The following SDK1 variants were observed in gnomAD, a reference collection of about 807,000 sequenced individuals.
SDK1 encodes the protein protein sidekick-1.
In SDK1, 157 loss-of-function variants were observed where a neutral mutation model predicts 245.5. That is an observed-to-expected ratio of 0.64 (90% CI 0.56 to 0.73). SDK1 has a LOEUF of 0.73. Among genes scored for constraint, SDK1 ranks in the 30% least tolerant of loss-of-function variants. The pLI is 0.00. For missense variants in SDK1, 3,583 were observed against 3,002.3 expected, an observed-to-expected ratio of 1.19 and a Z score of -4.52; for synonymous variants, 1,647 against 1,278.5, an observed-to-expected ratio of 1.29 and a Z score of -6.15.
intron 1 of SDK1, among the ~76,000 whole-genome samples, chr7:3,604,168 G>C (rs1171539135): frequency 6.6e-6 from 1 of 152,142 alleles, no homozygotes; most frequent in East Asian, 1.9e-4. Flanking sequence ...TCTCTGCCAG[G>C]CTTTGGTATC....
chr7:4,194,394 A>G (rs538066490), intron 35 of SDK1, among the ~76,000 whole-genome samples: 1 of 100,556 alleles, frequency 9.9e-6, no homozygotes, highest in African/African-American at 4.0e-5. Flanking sequence ...ATACATGTAT[A>G]CATATATGTA....
rs993232541 is a variant in SDK1 at position 4,257,106 on chromosome 7, GT to G, written c.6382-8014del. Among the ~76,000 whole-genome samples the G allele has an allele frequency of 4.6e-4, 70 of 152,258 alleles. 1 individual carries two copies. Among genetic ancestry groups the G allele is most frequent in the African/African-American group, 1.4e-3 (58 of 41,552 alleles). On this transcript the variant is annotated intron_variant, in intron 44 of 44. Coordinates refer to ENST00000404826, the MANE Select transcript of SDK1 (RefSeq NM_152744.4). ...CCGTTCAAATCACATGTTAAAGATT[GT>G]TTTCGAAATCCAAAGAAACTGTTTT...
At chr7:3,650,813 C>T (rs767312564) in intron 4 of SDK1, among the ~76,000 whole-genome samples, 10 of 140,882 alleles carry the variant, frequency 7.1e-5, no homozygotes, top group African/African-American at 2.6e-4. Context: ...AGTATGTGAC[C>T]TGTGGGGATT....
chr7:3,920,657 A>C (rs1779553790), intron 5 of SDK1, among the ~76,000 whole-genome samples: 1 of 152,180 alleles, frequency 6.6e-6, no homozygotes. Context: ...TTAAACTGCA[A>C]GCTGGGGCTG....
At chr7:3,759,957 CT>C (rs1780045561) in intron 4 of SDK1, among the ~76,000 whole-genome samples, 2 of 152,098 alleles carry the variant, frequency 1.3e-5, no homozygotes, top group South Asian at 2.1e-4. Flanking sequence ...TATATATTTC[CT>C]TTTCCCATCA....
At chr7:3,618,482 A>G (rs1005717407) in intron 1 of SDK1, among the ~76,000 whole-genome samples, 4 of 152,090 alleles carry the variant, frequency 2.6e-5, no homozygotes, top group East Asian at 1.9e-4. Context: ...CTGTGTTGCT[A>G]TGTGTAGCAA....
At chr7:3,307,335 T>C (rs1779442090) in intron 1 of SDK1, among the ~76,000 whole-genome samples, 1 of 152,080 alleles carries the variant, frequency 6.6e-6, no homozygotes, top group Non-Finnish European at 1.5e-5. Flanking sequence ...TGCCATCCTA[T>C]GGTAGCAAGT....
intron 1 of SDK1, among the ~76,000 whole-genome samples, chr7:3,454,845 T>C (rs1780624507): frequency 6.6e-6 from 1 of 152,174 alleles, no homozygotes; most frequent in Admixed American, 6.5e-5. Flanking sequence ...CTAGGATCTG[T>C]GCCCAAGTGT....
chr7:3,589,866 A>G (rs998080656), intron 1 of SDK1, among the ~76,000 whole-genome samples: 4 of 152,188 alleles, frequency 2.6e-5, no homozygotes, highest in African/African-American at 7.2e-5. Context: ...TAATATTTGC[A>G]TAATACCCAG....
chr7:3,423,691 T>G (rs1383656067), intron 1 of SDK1, among the ~76,000 whole-genome samples: 1 of 152,142 alleles, frequency 6.6e-6, no homozygotes, highest in Non-Finnish European at 1.5e-5. Context: ...AGTTTTGCTT[T>G]TGATATCTGA....
intron 1 of SDK1, among the ~76,000 whole-genome samples, chr7:3,512,581 T>C (rs900781242): frequency 1.3e-5 from 2 of 152,200 alleles, no homozygotes; most frequent in Admixed American, 6.6e-5. Context: ...CCAGCAGCAA[T>C]GACTGAGAAT....
At chr7:3,628,764 A>C (rs1193445439) in intron 2 of SDK1, among the ~76,000 whole-genome samples, 9 of 152,180 alleles carry the variant, frequency 5.9e-5, no homozygotes, top group Admixed American at 5.9e-4. Flanking sequence ...AAATATGAAC[A>C]GTTGTTTTCA....
intron 35 of SDK1, among the ~76,000 whole-genome samples, chr7:4,184,524 C>T (rs1182579486): frequency 1.3e-5 from 2 of 152,090 alleles, no homozygotes; most frequent in Non-Finnish European, 2.9e-5. Flanking sequence ...TGAGGGGGAC[C>T]CTGGGTGAGT....
intron 1 of SDK1, among the ~76,000 whole-genome samples, chr7:3,382,485 AC>A (rs1378345660): frequency 5.3e-5 from 8 of 152,186 alleles, no homozygotes. Context: ...TCTACCTAAT[AC>A]ACTTCCTCAC....
chr7:3,381,447 T>G (rs1249052383), intron 1 of SDK1, among the ~76,000 whole-genome samples: 3 of 151,350 alleles, frequency 2.0e-5, no homozygotes, highest in East Asian at 3.9e-4. Context: ...ACAGCGGGAG[T>G]GAGCCCCTCT....
intron 1 of SDK1, among the ~76,000 whole-genome samples, chr7:3,509,313 C>T (rs960669732): frequency 6.6e-6 from 1 of 152,092 alleles, no homozygotes; most frequent in Non-Finnish European, 1.5e-5. Flanking sequence ...AGCTTCTCAA[C>T]CTAATCCTGG....
chr7:4,113,915 CTA>C, intron 24 of SDK1, 120 bp from the exon 25 acceptor site: 1 of 704,414 alleles, frequency 1.4e-6, no homozygotes, highest in Non-Finnish European at 2.4e-6. Context: ...CCTTCTAAGA[CTA>C]TTTCCCCCAG....
At position 3,606,260 on chromosome 7, in the gene SDK1, T is replaced by C. The variant is rs201286184; in HGVS notation, c.299-12820T>C. Among the ~76,000 whole-genome samples, 4 of 152,294 alleles carry C rather than the reference T, an allele frequency of 2.6e-5. No homozygotes were observed. The East Asian group carries it at 7.7e-4, about 29-fold the overall frequency. On this transcript the variant is annotated intron_variant, in intron 1 of 44. Transcript: ENST00000404826. ...TTATGCTTCACCCTTAGGCCCCAGGTCTGATCAACCATTGCCACCTTTACT... is the reference window on the plus strand; with the variant it reads ...TTATGCTTCACCCTTAGGCCCCAGGCCTGATCAACCATTGCCACCTTTACT...
chr7:3,508,188 A>ATT lies in SDK1; in HGVS notation c.299-110884_299-110883dup, dbSNP rs146289177. 2.6e-3 allele frequency among the ~76,000 whole-genome samples: 393 copies of ATT among 150,366 alleles called. 2 individuals carry two copies. Among genetic ancestry groups the ATT allele is most frequent in the Non-Finnish European group, 4.3e-3 (291 of 67,536 alleles). On this transcript the variant is annotated intron_variant, in intron 1 of 44. Transcript: ENST00000404826. ...ATCCAGAAGCTGGTGTTTTCTGAATATTTTTTTTTCTGGTTTCAGATTCAT... is the reference window on the plus strand; with the variant it reads ...ATCCAGAAGCTGGTGTTTTCTGAATATTTTTTTTTTTCTGGTTTCAGATTCAT...
Sources: allele counts gnomAD v4.1 joint callset (sites outside exome capture counted in the v4.1 genomes callset), GRCh38; gene constraint gnomAD v4.1.1; transcripts MANE v1.5; gene names NCBI Gene and HGNC (gene_info 2026-07-23, HGNC 2026-07-21).